The following IQCJ variants were observed in gnomAD, a reference collection of about 807,000 sequenced individuals.
IQCJ encodes IQ motif containing J, also known as IQ domain-containing protein J.
Under a neutral mutation model 11.0 loss-of-function variants are expected in IQCJ, and 9 were observed. The observed-to-expected ratio is 0.82, with a 90% CI of 0.49 to 1.43. The LOEUF is 1.43. Among genes scored for constraint, IQCJ ranks in the 40% most tolerant of loss-of-function variants. IQCJ has a pLI of 0.00. For synonymous variants in IQCJ, 55 were observed against 51.3 expected (o/e 1.07, Z -0.31); for missense variants, 146 against 133.2 (o/e 1.10, Z -0.47).
At chr3:159,091,654 ACAC>A (rs1717298515) in intron 1 of IQCJ, among the ~76,000 whole-genome samples, 1 of 56,580 alleles carries the variant, frequency 1.8e-5, no homozygotes, top group Non-Finnish European at 3.8e-5. Context: ...ATTTACACAC[ACAC>A]ACACACACAC....
At chr3:159,196,291 T>G (rs978281444) in intron 1 of IQCJ, among the ~76,000 whole-genome samples, 1 of 152,222 alleles carries the variant, frequency 6.6e-6, no homozygotes, top group Non-Finnish European at 1.5e-5. Context: ...AAAAAAGGAC[T>G]TTGTTAGAAT....
chr3:159,172,206 G>A (rs1308465129), intron 1 of IQCJ, among the ~76,000 whole-genome samples: 1 of 152,048 alleles, frequency 6.6e-6, no homozygotes, highest in Admixed American at 6.6e-5. Context: ...TCCGTAAGTA[G>A]GTGATTGGCT....
In IQCJ at chr3:159,141,341, G is replaced by C. The variant is rs954651626; in HGVS notation, c.9+71900G>C. On this transcript the variant is annotated intron_variant, in intron 1 of 3. Transcript: ENST00000397832. The stretch of plus-strand genomic sequence containing the variant: ...TGGAGGTGAATGATAAGATTGAACA[G>C]GTAAGCAGGGATGGATCACACAGGA... Among the ~76,000 whole-genome samples, 7 of 152,294 alleles carry C rather than the reference G, an allele frequency of 4.6e-5. No homozygotes were observed. In the South Asian group the frequency reaches 6.2e-4, roughly 14 times the overall value.
chr3:159,211,858 T>C (rs1362105711), intron 1 of IQCJ, among the ~76,000 whole-genome samples: 1 of 151,892 alleles, frequency 6.6e-6, no homozygotes, highest in African/African-American at 2.4e-5. Flanking sequence ...ATTTGAAAAT[T>C]ATCAAAACTG....
chr3:159,077,088 G>C (rs566642455), intron 1 of IQCJ, among the ~76,000 whole-genome samples: 1 of 152,184 alleles, frequency 6.6e-6, no homozygotes, highest in East Asian at 1.9e-4. Flanking sequence ...GTACATTTAG[G>C]GGCAGGCATT....
intron 1 of IQCJ, among the ~76,000 whole-genome samples, chr3:159,180,600 GGA>G (rs1313532911): frequency 1.3e-5 from 2 of 151,958 alleles, no homozygotes; most frequent in African/African-American, 4.8e-5. Context: ...AGATAGGGCA[GGA>G]GAGAGAGTGA....
At chr3:159,174,796 T>C (rs1246169499) in intron 1 of IQCJ, among the ~76,000 whole-genome samples, 1 of 148,320 alleles carries the variant, frequency 6.7e-6, no homozygotes, top group East Asian at 1.9e-4. Flanking sequence ...TTTTGTAGTA[T>C]TTTTTTTTCT....
intron 1 of IQCJ, among the ~76,000 whole-genome samples, chr3:159,135,904 G>A (rs913179254): frequency 1.3e-5 from 2 of 152,190 alleles, no homozygotes; most frequent in African/African-American, 4.8e-5. Flanking sequence ...TAGTAAACAA[G>A]TACGCAGAAC....
chr3:159,173,623 A>G (rs1362383241), intron 1 of IQCJ, among the ~76,000 whole-genome samples: 1 of 152,090 alleles, frequency 6.6e-6, no homozygotes, highest in Non-Finnish European at 1.5e-5. Context: ...AGAATTCTAG[A>G]TTTTCCCTTC....
chr3:159,230,725 A>G (rs917541765), intron 1 of IQCJ, among the ~76,000 whole-genome samples: 1 of 152,224 alleles, frequency 6.6e-6, no homozygotes, highest in African/African-American at 2.4e-5. Flanking sequence ...TAAAAACTTT[A>G]TCCATTGTAA....
intron 1 of IQCJ, among the ~76,000 whole-genome samples, chr3:159,218,014 A>G (rs952143196): frequency 4.0e-5 from 5 of 125,070 alleles, no homozygotes; most frequent in African/African-American, 1.7e-4. Flanking sequence ...TAATAACAAC[A>G]ATATATAATA....
intron 1 of IQCJ, among the ~76,000 whole-genome samples, chr3:159,128,771 G>A (rs570502712): frequency 7.9e-5 from 12 of 151,992 alleles, no homozygotes; most frequent in Non-Finnish European, 8.8e-5. Context: ...TCTTCCTACC[G>A]TGCTTTGAGA....
chr3:159,129,486 G>A (rs987009523), intron 1 of IQCJ, among the ~76,000 whole-genome samples: 2 of 152,106 alleles, frequency 1.3e-5, no homozygotes, highest in Non-Finnish European at 2.9e-5. Context: ...TTCTTTGTTT[G>A]CTCAGCACTG....
At chr3:159,211,119 T>G (rs1472905239) in intron 1 of IQCJ, among the ~76,000 whole-genome samples, 1 of 152,214 alleles carries the variant, frequency 6.6e-6, no homozygotes, top group East Asian at 1.9e-4. Context: ...AATTGAAAAC[T>G]AAAGAGCAAA....
intron 1 of IQCJ, among the ~76,000 whole-genome samples, chr3:159,185,507 C>T (rs1409265408): frequency 6.6e-6 from 1 of 152,024 alleles, no homozygotes; most frequent in Non-Finnish European, 1.5e-5. Context: ...TACTGCATAA[C>T]AAATTATTTT....
intron 1 of IQCJ, among the ~76,000 whole-genome samples, chr3:159,088,865 C>G (rs60989757): frequency 0.016 from 2,419 of 152,220 alleles, 60 homozygotes; most frequent in African/African-American, 0.056. Context: ...GGTCTTGACT[C>G]TTTATCCAAT....
At chr3:159,166,255 C>A (rs1334931686) in intron 1 of IQCJ, among the ~76,000 whole-genome samples, 1 of 152,166 alleles carries the variant, frequency 6.6e-6, no homozygotes, top group African/African-American at 2.4e-5. Flanking sequence ...AAAATTATAT[C>A]ATCCATTTCT....
rs569121460 is a variant in IQCJ at position 159,093,464 on chromosome 3, A to T, written c.9+24023A>T. ...TCAAGATTTGGCTCCCACATTTCCAATAAAATGCTCCACTTTTGAGTGATG... is the reference window on the plus strand; with the variant it reads ...TCAAGATTTGGCTCCCACATTTCCATTAAAATGCTCCACTTTTGAGTGATG... On this transcript the variant is annotated intron_variant, in intron 1 of 3. Coordinates refer to ENST00000397832, the MANE Select transcript of IQCJ (RefSeq NM_001042706.3). Among the ~76,000 whole-genome samples the T allele has an allele frequency of 4.8e-4, 73 of 151,906 alleles. 5 individuals carry two copies. The highest frequency in any genetic ancestry group is 1.7e-3 in the African/African-American group (68 of 41,194).
At chr3:159,109,666 G>GGTGT (rs149581432) in intron 1 of IQCJ, among the ~76,000 whole-genome samples, 1 of 150,712 alleles carries the variant, frequency 6.6e-6, no homozygotes, top group Admixed American at 6.6e-5. Context: ...TGGGTGTGTG[G>GGTGT]GTGTGTGTGT....
Sources: gnomAD v4.1 joint callset for allele counts (sites outside exome capture counted in the v4.1 genomes callset) on GRCh38, gnomAD v4.1.1 for gene constraint, MANE v1.5 for transcripts, NCBI Gene and HGNC (gene_info 2026-07-23, HGNC 2026-07-21) for gene names.